CELF4: variants seen among roughly 807,000 people sequenced by gnomAD.
CELF4 encodes the protein CUGBP Elav-like family member 4.
In CELF4, 18 loss-of-function variants were observed where a neutral mutation model predicts 59.9. The ratio of observed to expected loss-of-function variants is 0.30; its 90% CI spans 0.21 to 0.45. The LOEUF (loss-of-function observed/expected upper bound fraction) is 0.45. Among genes scored for constraint, CELF4 ranks in the 20% least tolerant of loss-of-function variants. The probability of loss-of-function intolerance (pLI) is 1.00; values close to 1 mark genes in which losing one functional copy is unlikely to be tolerated. For missense variants in CELF4, 456 were observed against 689.0 expected (o/e 0.66, Z 3.79); for synonymous variants, 261 against 267.1 (o/e 0.98, Z 0.22).
intron 2 of CELF4, among the ~76,000 whole-genome samples, chr18:37,478,110 CT>C (rs1246587323): frequency 3.3e-5 from 5 of 152,160 alleles, no homozygotes; most frequent in Non-Finnish European, 7.4e-5. Context: ...TGCTCTCCCC[CT>C]CTCCTCTCCT....
At chr18:37,425,194 T>G (rs1043182087) in intron 2 of CELF4, among the ~76,000 whole-genome samples, 1 of 152,222 alleles carries the variant, frequency 6.6e-6, no homozygotes, top group African/African-American at 2.4e-5. Context: ...AACCTGAAGG[T>G]GCTCGGCCAT....
At chr18:37,557,997 CTTTTTT>C (rs34181233) in intron 1 of CELF4, among the ~76,000 whole-genome samples, 11 of 100,766 alleles carry the variant, frequency 1.1e-4, no homozygotes, top group Non-Finnish European at 2.1e-4. Flanking sequence ...ATCCCTTTTA[CTTTTTT>C]TTTTTTTTTT....
At chr18:37,374,613 G>T (rs2098943631) in intron 2 of CELF4, among the ~76,000 whole-genome samples, 1 of 152,218 alleles carries the variant, frequency 6.6e-6, no homozygotes, top group Non-Finnish European at 1.5e-5. Flanking sequence ...GTGTACAGAG[G>T]GTGAGCACTC....
intron 3 of CELF4, among the ~76,000 whole-genome samples, chr18:37,283,679 G>A (rs1003267802): frequency 7.9e-5 from 12 of 152,042 alleles, no homozygotes; most frequent in Admixed American, 2.0e-4. Flanking sequence ...TAGGAAATGA[G>A]TGTTCCCTGG....
intron 10 of CELF4, among the ~76,000 whole-genome samples, chr18:37,259,711 C>T (rs868507137): frequency 6.6e-6 from 1 of 152,090 alleles, no homozygotes; most frequent in South Asian, 2.1e-4. Context: ...GCTGGGGAGA[C>T]CCCCCACTTT....
At chr18:37,368,190 G>A (rs1368951376) in intron 2 of CELF4, among the ~76,000 whole-genome samples, 1 of 152,124 alleles carries the variant, frequency 6.6e-6, no homozygotes, top group Non-Finnish European at 1.5e-5. Flanking sequence ...CTTCGGGCGA[G>A]AACTCAGCCT....
At chr18:37,470,891 A>T (rs553043498) in intron 2 of CELF4, among the ~76,000 whole-genome samples, 172 of 25,896 alleles carry the variant, frequency 6.6e-3, no homozygotes, top group African/African-American at 0.021. Flanking sequence ...TGTGTGTGAC[A>T]GAGAGAGAGA....
At chr18:37,501,562 G>A (rs1456561012) in intron 1 of CELF4, among the ~76,000 whole-genome samples, 2 of 152,242 alleles carry the variant, frequency 1.3e-5, no homozygotes, top group Non-Finnish European at 2.9e-5. Context: ...GGATGGGCCT[G>A]GGACAGAGGG....
intron 1 of CELF4, among the ~76,000 whole-genome samples, chr18:37,518,661 C>T (rs920120749): frequency 4.6e-5 from 7 of 152,154 alleles, no homozygotes; most frequent in Non-Finnish European, 1.0e-4. Flanking sequence ...ACCCTCCCAT[C>T]CCCAAGCCCT....
intron 12 of CELF4, among the ~76,000 whole-genome samples, chr18:37,252,926 T>G (rs1371062192): frequency 1.3e-5 from 2 of 151,984 alleles, no homozygotes; most frequent in African/African-American, 4.8e-5. Context: ...CCTTCACCTC[T>G]GCTCTGTGAA....
At chr18:37,339,049 T>A (rs893375024) in intron 2 of CELF4, among the ~76,000 whole-genome samples, 21 of 152,330 alleles carry the variant, frequency 1.4e-4, no homozygotes, top group African/African-American at 4.8e-4. Context: ...CAGGCAGAGC[T>A]GATGCGGGCT....
chr18:37,546,770 C>A (rs1478718887), intron 1 of CELF4, among the ~76,000 whole-genome samples: 1 of 152,218 alleles, frequency 6.6e-6, no homozygotes. Flanking sequence ...CAACATGAAT[C>A]TACATGGCAC....
chr18:37,424,154 G>A (rs1400600443), intron 2 of CELF4, among the ~76,000 whole-genome samples: 2 of 152,142 alleles, frequency 1.3e-5, no homozygotes, highest in African/African-American at 4.8e-5. Flanking sequence ...TCTCTAATAT[G>A]TGGTTCCTGC....
At chr18:37,437,461 A>G (rs559286832) in intron 2 of CELF4, among the ~76,000 whole-genome samples, 1 of 152,180 alleles carries the variant, frequency 6.6e-6, no homozygotes. Flanking sequence ...TCCAGAGAGC[A>G]CTTTTGGTGG....
chr18:37,266,346 G>A (rs957347483), intron 9 of CELF4, 187 bp downstream of exon 9: 2 of 652,002 alleles, frequency 3.1e-6, no homozygotes, highest in Non-Finnish European at 5.4e-6. Flanking sequence ...CACTGCAGGG[G>A]CACTCTCGGT....
intron 6 of CELF4, chr18:37,273,604 T>C (rs1294214815): frequency 2.0e-6 from 2 of 990,250 alleles, no homozygotes; most frequent in Non-Finnish European, 2.4e-6. Context: ...GAATTATGAA[T>C]AGAACCCCAG....
At chr18:37,345,716 T>C (rs1031682179) in intron 2 of CELF4, among the ~76,000 whole-genome samples, 1 of 151,974 alleles carries the variant, frequency 6.6e-6, no homozygotes, top group Non-Finnish European at 1.5e-5. Context: ...TTTGAGCAGG[T>C]GTCCTGCTGC....
chr18:37,485,569 G>T lies in CELF4; in HGVS notation c.325C>A (p.Leu109Met). The change falls in exon 2 of 13, where the codon CTG (leucine) becomes ATG (methionine). Residue 109 changes from leucine to methionine, a missense_variant. Leu to Met is a conservative substitution (Grantham distance 15, BLOSUM62 2). Coordinates refer to ENST00000420428, the MANE Select transcript of CELF4 (RefSeq NM_020180.4). ...TCGTGCAGCGCGCTCTGGGCCTTCA[G>T]CGCTGACTCACGCTCGCAGTAGGTG... ...FLTYCERESA[L>M]KAQSALHEQK... 1 of 1,456,928 alleles carries T rather than the reference G, an allele frequency of 6.9e-7. No individual in the cohort carries two copies. The highest frequency in any genetic ancestry group is 9.2e-7 in the Non-Finnish European group (1 of 1,092,412). The allele number at this position is 1,456,928 out of a possible 1,614,324, so 90.3% of individuals were successfully genotyped here. A position where few individuals can be genotyped will look rare whatever the true frequency, so the allele number is the denominator to read the frequency against.
chr18:37,356,128 C>A (rs913392220), intron 2 of CELF4, among the ~76,000 whole-genome samples: 2 of 152,170 alleles, frequency 1.3e-5, no homozygotes, highest in East Asian at 3.9e-4. Flanking sequence ...AAGGAGAATA[C>A]CCACACCTTT....
Sources: allele counts gnomAD v4.1 joint callset (sites outside exome capture counted in the v4.1 genomes callset), GRCh38; gene constraint gnomAD v4.1.1; transcripts MANE v1.5; gene names NCBI Gene and HGNC (gene_info 2026-07-23, HGNC 2026-07-21).